Variants in SOX5 observed in about 807,000 individuals in gnomAD.
SOX5 encodes transcription factor SOX-5.
SOX5 carries 9 observed loss-of-function variants against 92.0 expected under a neutral mutation model. That is an observed-to-expected ratio of 0.10 (90% confidence interval 0.06 to 0.17). The LOEUF (loss-of-function observed/expected upper bound fraction) is 0.17. SOX5 is among the 10% of genes least tolerant of loss of function. The probability of loss-of-function intolerance (pLI) is 1.00; values close to 1 mark genes in which losing one functional copy is unlikely to be tolerated. For missense variants in SOX5, 642 were observed against 944.5 expected (o/e 0.68, Z 4.20); for synonymous variants, 344 against 336.3 (o/e 1.02, Z -0.25).
chr12:24,160,281 T>C (rs1396747454), intron 4 of SOX5, among the ~76,000 whole-genome samples: 1 of 152,024 alleles, frequency 6.6e-6, no homozygotes, highest in African/African-American at 2.4e-5. Flanking sequence ...ATAACATCTA[T>C]AGTAGGAAAA....
At chr12:24,021,626 T>G (rs1341374551) in intron 4 of SOX5, among the ~76,000 whole-genome samples, 2 of 152,168 alleles carry the variant, frequency 1.3e-5, no homozygotes, top group African/African-American at 4.8e-5. Context: ...GATTTTAATA[T>G]AAGAATTCCA....
intron 9 of SOX5, among the ~76,000 whole-genome samples, chr12:23,579,860 T>C (rs1211000584): frequency 6.6e-6 from 1 of 152,096 alleles, no homozygotes; most frequent in Non-Finnish European, 1.5e-5. Flanking sequence ...TTCTATCAAC[T>C]ACACCATCAA....
rs1371787845 is a variant in SOX5, at chr12:23,530,010, A to T, written c.*4209T>A. 6.6e-6 allele frequency: 1 copy of T among 152,038 alleles called. No homozygotes were observed. The highest frequency in any genetic ancestry group is 1.5e-5 in the Non-Finnish European group (1 of 68,020). 9.4% of individuals were successfully genotyped at this position (152,038 alleles called of 1,614,324 possible). A position where few individuals can be genotyped will look rare whatever the true frequency, so the allele number is the denominator to read the frequency against. Reference sequence around the variant, plus strand: ...ACAGGAATCAATCAATCAGTAGGAAACTCAACACATCGTCTTCAACCTGGG... The same window carrying T: ...ACAGGAATCAATCAATCAGTAGGAATCTCAACACATCGTCTTCAACCTGGG... On this transcript the variant is annotated 3_prime_UTR_variant, in exon 15 of 15. Transcript: ENST00000451604.
At chr12:24,161,716 G>T (rs1371482182) in intron 4 of SOX5, among the ~76,000 whole-genome samples, 1 of 151,996 alleles carries the variant, frequency 6.6e-6, no homozygotes, top group Non-Finnish European at 1.5e-5. Flanking sequence ...AATTTAAATT[G>T]TCATCCATAA....
At chr12:23,667,058 G>A (rs1169081873) in intron 6 of SOX5, among the ~76,000 whole-genome samples, 1 of 152,048 alleles carries the variant, frequency 6.6e-6, no homozygotes, top group Non-Finnish European at 1.5e-5. Context: ...GTGGGGGGCA[G>A]CGAGGACTGA....
intron 9 of SOX5, among the ~76,000 whole-genome samples, chr12:23,579,519 A>C (rs1949751150): frequency 1.3e-5 from 2 of 152,152 alleles, no homozygotes; most frequent in African/African-American, 4.8e-5. Context: ...TTTATGAAGA[A>C]TACAAAAATT....
chr12:24,413,949 A>T (rs957700255), intron 1 of SOX5, among the ~76,000 whole-genome samples: 2 of 152,216 alleles, frequency 1.3e-5, no homozygotes, highest in African/African-American at 2.4e-5. Context: ...CTCAATTCCC[A>T]AAATATTTTC....
At chr12:23,944,939 C>T (rs1216586561) in intron 1 of SOX5, among the ~76,000 whole-genome samples, 1 of 152,022 alleles carries the variant, frequency 6.6e-6, no homozygotes, top group African/African-American at 2.4e-5. Flanking sequence ...TGTTGGATAA[C>T]CCCATTGAAA....
At chr12:24,375,754 A>G (rs569502333) in intron 1 of SOX5, among the ~76,000 whole-genome samples, 8 of 150,448 alleles carry the variant, frequency 5.3e-5, no homozygotes, top group East Asian at 2.0e-4. Context: ...AAAAAAAAAA[A>G]GTGAGAATAC....
At chr12:23,686,104 C>T (rs931655707) in intron 6 of SOX5, among the ~76,000 whole-genome samples, 4 of 152,026 alleles carry the variant, frequency 2.6e-5, no homozygotes, top group African/African-American at 9.7e-5. Flanking sequence ...ATGAAGTGAG[C>T]TATAATTAGA....
chr12:23,958,610 A>G (rs1254439399), intron 4 of SOX5, among the ~76,000 whole-genome samples: 1 of 151,866 alleles, frequency 6.6e-6, no homozygotes, highest in Non-Finnish European at 1.5e-5. Flanking sequence ...TTGATTACAA[A>G]CCTAGTGTCT....
chr12:24,250,814 G>A (rs1357437620), intron 3 of SOX5, among the ~76,000 whole-genome samples: 7 of 152,044 alleles, frequency 4.6e-5, no homozygotes, highest in Non-Finnish European at 8.8e-5. Context: ...AAAATTAAAC[G>A]CCCTACCTTC....
At chr12:24,303,289 A>G (rs1948197439) in intron 2 of SOX5, among the ~76,000 whole-genome samples, 1 of 152,224 alleles carries the variant, frequency 6.6e-6, no homozygotes, top group African/African-American at 2.4e-5. Flanking sequence ...GATTTCTCCT[A>G]CCCAAAAGTT....
At chr12:23,879,840 T>A (rs1334451780) in intron 2 of SOX5, among the ~76,000 whole-genome samples, 1 of 152,164 alleles carries the variant, frequency 6.6e-6, no homozygotes, top group Non-Finnish European at 1.5e-5. Flanking sequence ...TTATAGTGAA[T>A]CTATGGCTCA....
intron 3 of SOX5, among the ~76,000 whole-genome samples, chr12:24,254,991 C>A (rs1285646129): frequency 6.6e-6 from 1 of 152,000 alleles, no homozygotes; most frequent in African/African-American, 2.4e-5. Flanking sequence ...ATACCACAGA[C>A]TTCAATAACA....
At chr12:24,103,857 G>A (rs772500653) in intron 4 of SOX5, among the ~76,000 whole-genome samples, 9 of 151,890 alleles carry the variant, frequency 5.9e-5, no homozygotes, top group African/African-American at 1.9e-4. Context: ...TCATTAACAC[G>A]GTCTTCTTCC....
rs958349425 is a variant in SOX5 at position 23,622,322 on chromosome 12, A to T, written c.1018-17789T>A. On this transcript the variant is annotated intron_variant, in intron 8 of 14. Coordinates refer to ENST00000451604, the MANE Select transcript of SOX5 (RefSeq NM_006940.6). ...TTCCAGGCAATAAAAAGAGAAAAAA[A>T]AAAGTATTTTAAGGGCTAGAAGTCT... Among the ~76,000 whole-genome samples the T allele has an allele frequency of 2.0e-5, 3 of 151,956 alleles. No individual in the cohort carries two copies. In the East Asian group the frequency reaches 5.8e-4, roughly 29 times the overall value.
intron 9 of SOX5, among the ~76,000 whole-genome samples, chr12:23,588,167 A>G (rs2137054034): frequency 6.6e-6 from 1 of 152,176 alleles, no homozygotes; most frequent in East Asian, 1.9e-4. Flanking sequence ...CATATTAAAG[A>G]TGCTTAGCTT....
chr12:23,975,401 G>A (rs1948790830), intron 4 of SOX5, among the ~76,000 whole-genome samples: 1 of 151,862 alleles, frequency 6.6e-6, no homozygotes, highest in Non-Finnish European at 1.5e-5. Context: ...ATTGAATAGG[G>A]TCCTGTGTAT....
Sources: gnomAD v4.1 joint callset for allele counts (sites outside exome capture counted in the v4.1 genomes callset) on GRCh38, gnomAD v4.1.1 for gene constraint, MANE v1.5 for transcripts, NCBI Gene and HGNC (gene_info 2026-07-23, HGNC 2026-07-21) for gene names.